Variants in DLC1 observed in about 807,000 individuals in gnomAD.
The protein encoded by DLC1 is rho GTPase-activating protein 7.
Under a neutral mutation model 140.3 loss-of-function variants are expected in DLC1, and 54 were observed. The observed-to-expected ratio is 0.38, with a 90% confidence interval of 0.31 to 0.48. DLC1 has a LOEUF of 0.48. DLC1 is among the 20% of genes least tolerant of loss of function. DLC1 has a pLI of 0.96. For missense variants in DLC1, 2,536 were observed against 1,907.0 expected, an observed-to-expected ratio of 1.33 and a Z score of -6.14; for synonymous variants, 986 against 728.1, an observed-to-expected ratio of 1.35 and a Z score of -5.70.
intron 3 of DLC1, among the ~76,000 whole-genome samples, chr8:13,400,301 T>C (rs545659890): frequency 6.6e-6 from 1 of 152,278 alleles, no homozygotes; most frequent in Admixed American, 6.5e-5. Flanking sequence ...ACTTCTTATA[T>C]ACATTTTTTC....
In DLC1 at chr8:13,506,485, C is replaced by T. The variant is rs141484311; in HGVS notation, c.-125-6289G>A. On this transcript the variant is annotated intron_variant, in intron 1 of 17. Coordinates refer to ENST00000276297, the MANE Select transcript of DLC1 (RefSeq NM_182643.3). ...AGTTTTTCATCCTGATTAGCCATCCCATGTTAAATTTCTAGGTCGTGTTCT... is the reference window on the plus strand; with the variant it reads ...AGTTTTTCATCCTGATTAGCCATCCTATGTTAAATTTCTAGGTCGTGTTCT... Among the ~76,000 whole-genome samples the T allele has an allele frequency of 4.7e-3, 700 of 150,424 alleles. 8 individuals carry two copies. Among genetic ancestry groups the T allele is most frequent in the African/African-American group, 0.016 (670 of 40,824 alleles).
In DLC1 at chr8:13,407,167, G is replaced by C. The variant is rs567496757; in HGVS notation, c.1024-5548C>G. Among the ~76,000 whole-genome samples, 3 of 152,284 alleles carry C rather than the reference G, an allele frequency of 2.0e-5. No individual in the cohort carries two copies. In the South Asian group the frequency reaches 6.2e-4, roughly 32 times the overall value. On this transcript the variant is annotated intron_variant, in intron 2 of 17. Transcript: ENST00000276297. Reference sequence around the variant, plus strand: ...TGTCCAAGCCCATGGTGGTAAACTGGAAATCTGAAAGAAGTTCCTAATTTA... The same window carrying C: ...TGTCCAAGCCCATGGTGGTAAACTGCAAATCTGAAAGAAGTTCCTAATTTA...
intron 4 of DLC1, chr8:13,340,572 A>T (rs1833995605): frequency 6.6e-6 from 1 of 152,252 alleles, no homozygotes; most frequent in Non-Finnish European, 1.5e-5. Context: ...CTACTTAAAA[A>T]AACAAAAACA....
intron 2 of DLC1, among the ~76,000 whole-genome samples, chr8:13,452,715 C>T (rs1189014820): frequency 1.3e-5 from 2 of 151,994 alleles, no homozygotes; most frequent in Non-Finnish European, 2.9e-5. Context: ...TTGCTACCCC[C>T]CTGATTAATC....
chr8:13,109,620 C>T (rs1003211792), intron 7 of DLC1, among the ~76,000 whole-genome samples: 2 of 151,100 alleles, frequency 1.3e-5, no homozygotes, highest in Non-Finnish European at 2.9e-5. Flanking sequence ...TGCGGTGGCT[C>T]ACGCCTGTAA....
At chr8:13,274,422 C>G (rs1358372775) in intron 5 of DLC1, among the ~76,000 whole-genome samples, 1 of 152,196 alleles carries the variant, frequency 6.6e-6, no homozygotes, top group Non-Finnish European at 1.5e-5. Flanking sequence ...CTTAGAAACC[C>G]TGGGCAACAT....
chr8:13,194,592 G>C (rs1039351113), intron 5 of DLC1, among the ~76,000 whole-genome samples: 2 of 152,204 alleles, frequency 1.3e-5, no homozygotes. Context: ...GCAGAGGCCA[G>C]CATTACTGGC....
intron 5 of DLC1, among the ~76,000 whole-genome samples, chr8:13,223,076 T>C (rs1214787993): frequency 6.6e-6 from 1 of 152,162 alleles, no homozygotes; most frequent in Non-Finnish European, 1.5e-5. Context: ...AAATTCTAGT[T>C]CTATCGGTTA....
At position 13,229,321 on chromosome 8, in the gene DLC1, A is replaced by C. The variant is rs547077435; in HGVS notation, c.1348+75948T>G. ...CCTTGTAAACACTATGCTAAGTGAA[A>C]GAAGCCAGTCACAATGGACCACATA... On this transcript the variant is annotated intron_variant, in intron 5 of 17. Coordinates refer to ENST00000276297, the MANE Select transcript of DLC1 (RefSeq NM_182643.3). 7.2e-5 allele frequency among the ~76,000 whole-genome samples: 11 copies of C among 152,326 alleles called. No homozygotes were observed. In the East Asian group the frequency reaches 2.1e-3, roughly 29 times the overall value.
chr8:13,479,838 G>GAAGAAA (rs1344632898), intron 2 of DLC1, among the ~76,000 whole-genome samples: 3 of 21,730 alleles, frequency 1.4e-4, no homozygotes, highest in African/African-American at 3.2e-4. Context: ...AGAAGAAGAA[G>GAAGAAA]AAGAAGAAGA....
intron 1 of DLC1, among the ~76,000 whole-genome samples, chr8:13,510,447 T>TTG (rs1289451827): frequency 2.6e-5 from 4 of 152,144 alleles, no homozygotes; most frequent in Admixed American, 2.6e-4. Context: ...ATATTCTTTC[T>TTG]TGATTAATTG....
intron 1 of DLC1, among the ~76,000 whole-genome samples, chr8:13,520,367 A>G (rs1802726018): frequency 6.6e-6 from 1 of 152,140 alleles, no homozygotes; most frequent in South Asian, 2.1e-4. Context: ...GCAAAGTATC[A>G]CAAGATCAGA....
chr8:13,471,498 A>AGGGC (rs1257801087), intron 2 of DLC1, among the ~76,000 whole-genome samples: 1 of 89,926 alleles, frequency 1.1e-5, no homozygotes, highest in Admixed American at 1.1e-4. Context: ...GAAGGGAGGC[A>AGGGC]GGGAAAGGAG....
chr8:13,556,065 A>C (rs763913137), intron 1 of DLC1, among the ~76,000 whole-genome samples: 1 of 152,142 alleles, frequency 6.6e-6, no homozygotes, highest in Non-Finnish European at 1.5e-5. Context: ...GGCCAGGAGT[A>C]AGTTAATGGT....
At position 13,451,386 on chromosome 8, in the gene DLC1, C is replaced by T. The variant is rs370296299; in HGVS notation, c.1023+47663G>A. ...GTGTAATAGACAATCCAATTACACT[C>T]TTTTAGTTATTTTAAAATGTACAAT... On this transcript the variant is annotated intron_variant, in intron 2 of 17. Coordinates refer to ENST00000276297, the MANE Select transcript of DLC1 (RefSeq NM_182643.3). 5.9e-5 allele frequency among the ~76,000 whole-genome samples: 9 copies of T among 152,176 alleles called. No homozygotes were observed. In the South Asian group the frequency reaches 1.7e-3, roughly 28 times the overall value.
At chr8:13,264,018 C>A (rs1830576834) in intron 5 of DLC1, among the ~76,000 whole-genome samples, 3 of 150,052 alleles carry the variant, frequency 2.0e-5, no homozygotes, top group Admixed American at 2.0e-4. Flanking sequence ...TAAATTAGGG[C>A]ATATTTGTAT....
At chr8:13,306,390 T>C (rs1327717623) in intron 4 of DLC1, among the ~76,000 whole-genome samples, 9 of 152,134 alleles carry the variant, frequency 5.9e-5, no homozygotes, top group Non-Finnish European at 1.0e-4. Context: ...GTATAAAATA[T>C]AGTTGAGGAT....
chr8:13,214,640 C>G lies in DLC1; in HGVS notation c.1348+90629G>C, dbSNP rs375569598. ...CACACACCGGCCTAGGTGATGTTTT[C>G]TTCTCCAGCAACATGGAAAAGCCTC... On this transcript the variant is annotated intron_variant, in intron 5 of 17. Coordinates refer to ENST00000276297, the MANE Select transcript of DLC1 (RefSeq NM_182643.3). The G allele has an allele frequency of 5.2e-5, 39 of 757,020 alleles. No homozygotes were observed. The African/African-American group carries it at 6.9e-4, about 13-fold the overall frequency. 46.9% of individuals were successfully genotyped at this position (757,020 alleles called of 1,614,324 possible).
chr8:13,249,098 CAA>C (rs533828541), intron 5 of DLC1, among the ~76,000 whole-genome samples: 194 of 152,206 alleles, frequency 1.3e-3, no homozygotes, highest in Non-Finnish European at 2.0e-3. Context: ...TCCTTTGAGA[CAA>C]AGTCTCGCTC....
Sources: allele counts gnomAD v4.1 joint callset (sites outside exome capture counted in the v4.1 genomes callset), GRCh38; gene constraint gnomAD v4.1.1; transcripts MANE v1.5; gene names NCBI Gene and HGNC (gene_info 2026-07-23, HGNC 2026-07-21).